APC: variants seen among roughly 807,000 people sequenced by gnomAD.
The protein encoded by APC is APC regulator of Wnt signaling pathway.
APC carries 72 observed loss-of-function variants against 247.0 expected under a neutral mutation model. The observed-to-expected ratio is 0.29, with a 90% CI of 0.24 to 0.35. The LOEUF is 0.35. Ranked by LOEUF, APC falls within the 10% of genes least tolerant of loss-of-function variation. APC has a pLI of 1.00. For missense variants in APC, 3,400 were observed against 3,360.7 expected (o/e 1.01, Z -0.29); for synonymous variants, 1,254 against 1,162.5 (o/e 1.08, Z -1.60).
At chr5:112,824,916 T>C (rs1763489640) in intron 11 of APC, among the ~76,000 whole-genome samples, 1 of 152,174 alleles carries the variant, frequency 6.6e-6, no homozygotes. Context: ...TTATAGTTTT[T>C]GTTTTTGTTT....
At position 112,843,219 on chromosome 5, in the gene APC, A is replaced by G. The variant is rs151163793; in HGVS notation, c.7625A>G (p.Asn2542Ser). ...HSESPSRLPI[N>S]RSGTWKREHS... is the part of the protein sequence containing the mutation. ...GAAAGTCCTTCTAGACTTCCAATCA[A>G]TAGGTCAGGAACCTGGAAACGTGAG... The change falls in exon 16 of 16, where the codon AAT becomes AGT. Residue 2542 changes from asparagine (N) to serine (S), a missense_variant. Asn to Ser is a conservative substitution (Grantham distance 46, BLOSUM62 1). Transcript: ENST00000257430. This position sits in a 1 kb window ranked among gnomAD's most constrained non-coding sequence, Gnocchi z 4.8. 3.5e-5 allele frequency: 57 copies of G among 1,613,846 alleles called. No homozygotes were observed. The African/African-American group carries it at 5.7e-4, about 16-fold the overall frequency.
chr5:112,732,263 G>A (rs1172818276), intron 1 of APC, among the ~76,000 whole-genome samples: 3 of 152,066 alleles, frequency 2.0e-5, no homozygotes, highest in African/African-American at 7.2e-5. Flanking sequence ...TGGGAACTTC[G>A]AGAGCAGAAT....
chr5:112,806,167 G>T (rs925604084), intron 8 of APC, among the ~76,000 whole-genome samples: 2 of 152,156 alleles, frequency 1.3e-5, no homozygotes, highest in Admixed American at 1.3e-4. Context: ...TCTCAGAGAG[G>T]CTCGAACAGA....
At chr5:112,825,186 A>C (rs1446868976) in intron 11 of APC, among the ~76,000 whole-genome samples, 1 of 152,198 alleles carries the variant, frequency 6.6e-6, no homozygotes, top group African/African-American at 2.4e-5. Flanking sequence ...ATAGCAACTG[A>C]CTGCTTTAAT....
chr5:112,770,770 T>C (rs1756948225), intron 4 of APC, among the ~76,000 whole-genome samples: 1 of 152,138 alleles, frequency 6.6e-6, no homozygotes, highest in Admixed American at 6.5e-5. Flanking sequence ...CTCTGAAAGA[T>C]GAAGATTTGT....
rs587779789 is a variant in APC at position 112,838,962 on chromosome 5, A to C, written c.3368A>C (p.Gln1123Pro). Residue 1123 changes from glutamine (Q) to proline (P), a missense_variant, in exon 16 of 16, where the codon CAA becomes CCA. Gln to Pro is a moderately conservative substitution (Grantham distance 76). Around this residue, in one of 9 missense-constraint regions of APC, gnomAD observed 715 missense variants for 656.6 expected, o/e 1.09. Transcript: ENST00000257430. ...GTGGGTTCTAATCATGGAATTAATC[A>C]AAATGTAAGCCAGTCTTTGTGTCAA... ...NRVGSNHGIN[Q>P]NVSQSLCQED... The C allele has an allele frequency of 1.2e-5, 20 of 1,614,056 alleles. No homozygotes were observed. The highest frequency in any genetic ancestry group is 2.7e-5 in the African/African-American group (2 of 74,948).
chr5:112,742,577 A>G (rs1753170334), intron 1 of APC, among the ~76,000 whole-genome samples: 1 of 152,164 alleles, frequency 6.6e-6, no homozygotes, highest in South Asian at 2.1e-4. Context: ...ACATAGTCTC[A>G]GTTTTTCATT....
At chr5:112,737,967 A>T in intron 1 of APC, 42 bp downstream of exon 1, 2 of 952,348 alleles carry the variant, frequency 2.1e-6, no homozygotes, top group African/African-American at 1.8e-5. Flanking sequence ...CTGCGGGGGG[A>T]GGGGGGAAGG....
chr5:112,765,634 G>A (rs985236834), intron 2 of APC, among the ~76,000 whole-genome samples: 2 of 152,000 alleles, frequency 1.3e-5, no homozygotes, highest in East Asian at 3.8e-4. Context: ...CTCAGTAAAT[G>A]GAAAATAATA....
intron 8 of APC, among the ~76,000 whole-genome samples, chr5:112,812,019 A>C: frequency 6.6e-6 from 1 of 152,186 alleles, no homozygotes; most frequent in East Asian, 1.9e-4. Flanking sequence ...TCCTTGTTAC[A>C]TGGGCCTCAC....
Position 112,840,812 on chromosome 5 carries a change from C to G in APC, c.5218C>G (p.Pro1740Ala), listed in dbSNP as rs1332889016. Reference sequence around the variant, plus strand: ...TATGCCCAAAGGGAAAAGTCACAAGCCTTTCCGTGTGAAAAAGATAATGGA... The same window carrying G: ...TATGCCCAAAGGGAAAAGTCACAAGGCTTTCCGTGTGAAAAAGATAATGGA... The part of the protein sequence containing the change: ...SAMPKGKSHK[P>A]FRVKKIMDQV... Residue 1740 changes from proline (P) to alanine (A), a missense_variant, in exon 16 of 16, where the codon CCT (proline) becomes GCT (alanine). Around this residue, in one of 9 missense-constraint regions of APC, gnomAD observed 1,788 missense variants for 1,649.5 expected, o/e 1.08. Coordinates refer to ENST00000257430, the MANE Select transcript of APC (RefSeq NM_000038.6). The surrounding 1 kb of genome is among the most constrained non-coding windows in gnomAD (Gnocchi z 4.1). 6.2e-7 allele frequency: 1 copy of G among 1,614,098 alleles called. No individual in the cohort carries two copies. Among genetic ancestry groups the G allele is most frequent in the Non-Finnish European group, 8.5e-7 (1 of 1,179,976 alleles).
intron 1 of APC, among the ~76,000 whole-genome samples, chr5:112,742,327 A>G (rs1344596197): frequency 1.3e-5 from 2 of 152,158 alleles, no homozygotes; most frequent in Non-Finnish European, 2.9e-5. Context: ...CACCTTTATG[A>G]TATACATTCT....
At position 112,819,047 on chromosome 5, in the gene APC, A is replaced by G. The variant is rs1060503301; in HGVS notation, c.1015A>G (p.Ser339Gly). ...GTCGCGAACTTTGCTAGCTATGTCT[A>G]GCTCCCAAGACAGCTGTATATCCAT... ...DMSRTLLAMS[S>G]SQDSCISMRQ... Residue 339 changes from serine (S) to glycine (G), a missense_variant, in exon 10 of 16, where the codon AGC becomes GGC. Coordinates refer to ENST00000257430, the MANE Select transcript of APC (RefSeq NM_000038.6). The G allele has an allele frequency of 1.9e-6, 3 of 1,614,084 alleles. No individual in the cohort carries two copies. Among genetic ancestry groups the G allele is most frequent in the Non-Finnish European group, 2.5e-6 (3 of 1,179,998 alleles).
intron 1 of APC, among the ~76,000 whole-genome samples, chr5:112,749,479 ATTTTTTTTT>A (rs536428390): frequency 3.8e-5 from 4 of 104,078 alleles, no homozygotes; most frequent in Admixed American, 1.2e-4. Flanking sequence ...TACTGCTCCA[ATTTTTTTTT>A]TTTTTTTTTT....
In APC at chr5:112,732,700, T is replaced by C. The variant is rs572336669; in HGVS notation, c.165+24818T>C. Among the ~76,000 whole-genome samples the C allele has an allele frequency of 2.0e-5, 3 of 152,290 alleles. No individual in the cohort carries two copies. The South Asian group carries it at 6.2e-4, about 32-fold the overall frequency. Reference sequence around the variant, plus strand: ...GAGGGCTCTTCCCTTGGGATTTTAATAGTCAGGAATGGGATAAGAGGTGTA... The same window carrying C: ...GAGGGCTCTTCCCTTGGGATTTTAACAGTCAGGAATGGGATAAGAGGTGTA... On this transcript the variant is annotated intron_variant, in intron 1 of 13. Transcript: ENST00000507379.
At position 112,841,003 on chromosome 5, in the gene APC, A is replaced by G. The variant is rs766679576; in HGVS notation, c.5409A>G (p.Arg1803=). ...CAAAAAATAATTTAAATGCTGAGAGAGTTTTCTCAGACAACAAAGATTCAA... is the reference window on the plus strand; with the variant it reads ...CAAAAAATAATTTAAATGCTGAGAGGGTTTTCTCAGACAACAAAGATTCAA... ...ADSKNNLNAE[R]VFSDNKDSKK... The change falls in exon 16 of 16, where the codon AGA becomes AGG. Residue 1803 remains arginine, a synonymous_variant. Transcript: ENST00000257430. The surrounding 1 kb of genome is among the most constrained non-coding windows in gnomAD (Gnocchi z 4.6). The G allele has an allele frequency of 3.1e-6, 5 of 1,611,786 alleles. No homozygotes were observed. Among genetic ancestry groups the G allele is most frequent in the Non-Finnish European group, 4.2e-6 (5 of 1,178,058 alleles).
intron 10 of APC, among the ~76,000 whole-genome samples, chr5:112,821,266 G>A (rs976257035): frequency 2.6e-5 from 4 of 152,066 alleles, no homozygotes; most frequent in African/African-American, 7.2e-5. Context: ...AGCACTATGG[G>A]AGGCCCGGGC....
At position 112,845,916 on chromosome 5, in the gene APC, G is replaced by C; in HGVS notation, c.*1790G>C. 1 of 232,166 alleles carries C rather than the reference G, an allele frequency of 4.3e-6. No individual in the cohort carries two copies. Among genetic ancestry groups the C allele is most frequent in the East Asian group, 6.1e-5 (1 of 16,378 alleles). 14.4% of individuals were successfully genotyped at this position (232,166 alleles called of 1,614,324 possible). A position where few individuals can be genotyped will look rare whatever the true frequency, so the allele number is the denominator to read the frequency against. Reference sequence around the variant, plus strand: ...TAAGCATGGTGGGGCACTCAGATAGGAGTGAATACACCTACCTGGTGCCTT... The same window carrying C: ...TAAGCATGGTGGGGCACTCAGATAGCAGTGAATACACCTACCTGGTGCCTT... On this transcript the variant is annotated 3_prime_UTR_variant, in exon 16 of 16. Transcript: ENST00000257430.
intron 1 of APC, among the ~76,000 whole-genome samples, chr5:112,747,278 A>T (rs1026867416): frequency 2.3e-4 from 35 of 152,190 alleles, no homozygotes; most frequent in Non-Finnish European, 5.9e-5. Context: ...TGCAGAGGCT[A>T]AATTATTCAT....
Sources: gnomAD v4.1 joint callset for allele counts (sites outside exome capture counted in the v4.1 genomes callset) on GRCh38, gnomAD v4.1.1 for gene constraint, gnomAD v4.1.1 regional missense constraint, Gnocchi (gnomAD v3.1) non-coding constraint, MANE v1.5 for transcripts, NCBI Gene and HGNC (gene_info 2026-07-23, HGNC 2026-07-21) for gene names.